The following PRH1 variants were observed in gnomAD, a reference collection of about 807,000 sequenced individuals.
PRH1 encodes the protein salivary acidic proline-rich phosphoprotein 1/2.
In PRH1, 7 loss-of-function variants were observed where a neutral mutation model predicts 7.9. The ratio of observed to expected loss-of-function variants is 0.89; its 90% CI spans 0.50 to 1.67. The LOEUF is 1.67. PRH1 is among the 40% of genes most tolerant of loss of function. The probability of loss-of-function intolerance (pLI) is 0.00; values close to 1 mark genes in which losing one functional copy is unlikely to be tolerated. For synonymous variants in PRH1, 45 were observed against 80.8 expected (o/e 0.56, Z 2.38); for missense variants, 109 against 223.6 (o/e 0.49, Z 3.27).
chr12:10,984,594 T>G (rs1390571487), intron 1 of PRH1, among the ~76,000 whole-genome samples: 1 of 152,116 alleles, frequency 6.6e-6, no homozygotes, highest in Non-Finnish European at 1.5e-5. Context: ...TGATCTCTGC[T>G]TTTATGGTGC....
chr12:10,884,791 G>A (rs1266775904), upstream of PRH1, among the ~76,000 whole-genome samples: 1 of 152,120 alleles, frequency 6.6e-6, no homozygotes, highest in Non-Finnish European at 1.5e-5. Flanking sequence ...AGATGTGTGA[G>A]GACAGCACAC....
chr12:11,131,795 C>G (rs957127684), intron 1 of PRH1, among the ~76,000 whole-genome samples: 1 of 152,218 alleles, frequency 6.6e-6, no homozygotes, highest in Non-Finnish European at 1.5e-5. Context: ...TAACCTGAGA[C>G]CAGAACAGGG....
chr12:10,891,710 A>T (rs1200516742), intron 2 of PRH1: 2 of 152,234 alleles, frequency 1.3e-5, no homozygotes, highest in African/African-American at 4.8e-5. Flanking sequence ...TACTAGCAGT[A>T]GTCAGAGGAA....
At chr12:10,897,621 G>T (rs1358288147) in intron 2 of PRH1, among the ~76,000 whole-genome samples, 3 of 152,178 alleles carry the variant, frequency 2.0e-5, no homozygotes, top group African/African-American at 4.8e-5. Flanking sequence ...ATCTGTTTCT[G>T]GGGAGGCCTC....
At chr12:11,065,986 A>C (rs1943792358) in intron 1 of PRH1, among the ~76,000 whole-genome samples, 1 of 152,192 alleles carries the variant, frequency 6.6e-6, no homozygotes, top group Non-Finnish European at 1.5e-5. Flanking sequence ...ATAATATCTC[A>C]ACCACAGCTC....
chr12:10,938,280 G>T, intron 2 of PRH1: 1 of 1,601,066 alleles, frequency 6.2e-7, no homozygotes. Context: ...AATTCTTTGT[G>T]ACCTGAGGGC....
rs888783744 is a variant in PRH1, at chr12:10,889,474, G to C, written c.-58-5199C>G. Among the ~76,000 whole-genome samples the C allele has an allele frequency of 1.2e-4, 19 of 152,146 alleles. 1 individual carries two copies. On this transcript the variant is annotated intron_variant, in intron 2 of 3. Coordinates refer to the PRH1 transcript ENST00000539853. ...CTTTAATTTTCAGAAATTGGACAAT[G>C]AATTTTCCTGGAATGGATTTCATTG...
intron 1 of PRH1, chr12:11,091,218 A>T (rs1591995249): frequency 9.2e-7 from 1 of 1,082,358 alleles, no homozygotes; most frequent in Admixed American, 2.9e-5. Flanking sequence ...ACAGTATAGA[A>T]AAACCAGTAA....
At chr12:11,086,637 GGT>G in intron 1 of PRH1, among the ~76,000 whole-genome samples, 1 of 146,016 alleles carries the variant, frequency 6.8e-6, no homozygotes, top group Non-Finnish European at 1.5e-5. Flanking sequence ...CGATAGGCCG[GGT>G]GCGGTGGCTC....
intron 1 of PRH1, among the ~76,000 whole-genome samples, chr12:11,129,969 G>C (rs79973177): frequency 6.6e-6 from 1 of 151,844 alleles, no homozygotes; most frequent in African/African-American, 2.4e-5. Flanking sequence ...TGGGTAACAC[G>C]GTGACATCCC....
At chr12:10,997,641 T>C (rs7135018) in intron 1 of PRH1, 376,467 of 1,613,478 alleles carry the variant, frequency 0.23, 44,600 homozygotes, top group Non-Finnish European at 0.24. Context: ...ATTATTACTT[T>C]TAAATTAGAT....
intron 1 of PRH1, among the ~76,000 whole-genome samples, chr12:11,088,135 G>T (rs1343078199): frequency 3.8e-5 from 5 of 129,970 alleles, no homozygotes; most frequent in South Asian, 4.4e-4. Flanking sequence ...GAGCCCAGGA[G>T]TTTGAGACCA....
upstream of PRH1, chr12:11,049,216 A>G: frequency 8.3e-7 from 1 of 1,208,518 alleles, no homozygotes. Flanking sequence ...AAATGCAAAC[A>G]CTACCAGAAT....
chr12:11,039,200 T>G (rs1399488761), intron 1 of PRH1, among the ~76,000 whole-genome samples: 1 of 152,242 alleles, frequency 6.6e-6, no homozygotes, highest in African/African-American at 2.4e-5. Flanking sequence ...TGTCTGAATT[T>G]TTTTAAAGGC....
chr12:11,145,229 T>A (rs1043129214), intron 1 of PRH1, among the ~76,000 whole-genome samples: 2 of 152,180 alleles, frequency 1.3e-5, no homozygotes, highest in African/African-American at 4.8e-5. Context: ...TCTCGCCCCA[T>A]TGCCCAGGTT....
chr12:10,978,078 T>TAAA lies in PRH1; in HGVS notation c.-125-4360_-125-4358dup, dbSNP rs34256878. On this transcript the variant is annotated intron_variant, in intron 1 of 3. Coordinates refer to the PRH1 transcript ENST00000539853. Reference sequence around the variant, plus strand: ...AAACTATTTTAAAGTTCATATGGAATAAAAAAAAAAAAAAGAAAGAGCCCA... The same window carrying TAAA: ...AAACTATTTTAAAGTTCATATGGAATAAAAAAAAAAAAAAAAAGAAAGAGCCCA... Among the ~76,000 whole-genome samples, 280 of 131,094 alleles carry TAAA rather than the reference T, an allele frequency of 2.1e-3. 3 individuals are homozygous for TAAA. The highest frequency in any genetic ancestry group is 3.4e-3 in the Non-Finnish European group (208 of 61,316). The allele number at this position is 131,094 out of a possible 152,430, so 86.0% of individuals were successfully genotyped here. A position where few individuals can be genotyped will look rare whatever the true frequency, so the allele number is the denominator to read the frequency against.
downstream of PRH1, among the ~76,000 whole-genome samples, chr12:11,115,890 C>T (rs953278320): frequency 4.6e-5 from 7 of 151,608 alleles, no homozygotes; most frequent in South Asian, 4.2e-4. Context: ...TGAAATACAG[C>T]GAAAGCAATA....
At chr12:11,171,585 C>T (rs1375793708), upstream of PRH1, 2 of 1,229,478 alleles carry the variant, frequency 1.6e-6, no homozygotes, top group African/African-American at 1.6e-5. Context: ...AGCTAACGGC[C>T]TCCGGGGCCA....
At chr12:11,084,267 G>T (rs79684279) in intron 1 of PRH1, among the ~76,000 whole-genome samples, 1 of 121,448 alleles carries the variant, frequency 8.2e-6, no homozygotes, top group African/African-American at 3.1e-5. Context: ...ATTTTCTGTC[G>T]AAGTGTTGGT....
Sources: gnomAD v4.1 joint callset for allele counts (sites outside exome capture counted in the v4.1 genomes callset) on GRCh38, gnomAD v4.1.1 for gene constraint, MANE v1.5 for transcripts, NCBI Gene and HGNC (gene_info 2026-07-23, HGNC 2026-07-21) for gene names.